Variants in XDH observed in about 807,000 individuals in gnomAD.
XDH encodes xanthine dehydrogenase, also known as xanthine dehydrogenase/oxidase.
A neutral mutation model predicts 156.1 loss-of-function variants in XDH; 138 were observed. That is an observed-to-expected ratio of 0.88 (90% confidence interval 0.77 to 1.02). The LOEUF is 1.02. Ranked by LOEUF, XDH falls within the 50% of genes least tolerant of loss-of-function variation. XDH has a pLI of 0.00. For synonymous variants in XDH, 669 were observed against 625.7 expected, an observed-to-expected ratio of 1.07 and a Z score of -1.03; for missense variants, 1,849 against 1,684.9, an observed-to-expected ratio of 1.10 and a Z score of -1.71.
intron 13 of XDH, among the ~76,000 whole-genome samples, chr2:31,378,110 G>GAAA (rs1572545845): frequency 0.046 from 2,000 of 43,204 alleles, 64 homozygotes; most frequent in African/African-American, 0.095. Context: ...AAGAAAGAAA[G>GAAA]GAAGGAAGGA....
intron 30 of XDH, 36 bp downstream of exon 30, chr2:31,346,733 C>T: frequency 6.2e-7 from 1 of 1,613,750 alleles, no homozygotes; most frequent in African/African-American, 1.3e-5. Flanking sequence ...ATTTCCCTCT[C>T]CTTTGCAAAC....
chr2:31,354,363 G>GA (rs1685569706), intron 24 of XDH, among the ~76,000 whole-genome samples: 1 of 152,216 alleles, frequency 6.6e-6, no homozygotes, highest in East Asian at 1.9e-4. Flanking sequence ...AAGTTTCAGT[G>GA]AAAAATCACT....
chr2:31,412,766 G>A (rs1484819448), intron 1 of XDH, among the ~76,000 whole-genome samples: 1 of 152,134 alleles, frequency 6.6e-6, no homozygotes, highest in Non-Finnish European at 1.5e-5. Flanking sequence ...TGTTTACCCA[G>A]GAATTCCCTT....
chr2:31,377,340 C>T, intron 13 of XDH, 103 bp from the exon 14 acceptor site: 1 of 1,273,986 alleles, frequency 7.8e-7, no homozygotes, highest in Non-Finnish European at 1.1e-6. Context: ...GGGGATAACA[C>T]CATCACACAT....
intron 12 of XDH, 122 bp downstream of exon 12, chr2:31,381,511 C>G (rs1202097747): frequency 3.1e-6 from 3 of 975,984 alleles, no homozygotes; most frequent in Non-Finnish European, 4.8e-6. Flanking sequence ...TTCCCTGGAT[C>G]CAAATCACAG....
At chr2:31,388,440 C>T in intron 6 of XDH, 145 bp from the exon 7 acceptor site, 1 of 883,672 alleles carries the variant, frequency 1.1e-6, no homozygotes, top group Non-Finnish European at 1.8e-6. Context: ...CTGCCTGTTG[C>T]CCAGAGTGGA....
chr2:31,375,278 C>A (rs957687807), intron 15 of XDH, 102 bp downstream of exon 15: 2 of 1,445,766 alleles, frequency 1.4e-6, no homozygotes, highest in African/African-American at 2.8e-5. Flanking sequence ...GCTATTCTGC[C>A]CTCAGATGTC....
At chr2:31,337,504 G>T in intron 35 of XDH, 137 bp downstream of exon 35, 1 of 1,174,760 alleles carries the variant, frequency 8.5e-7, no homozygotes, top group Non-Finnish European at 1.3e-6. Flanking sequence ...CATGCACAAT[G>T]AAGGGTGGCC....
chr2:31,399,159 T>C (rs1301027109), intron 4 of XDH, among the ~76,000 whole-genome samples: 1 of 152,194 alleles, frequency 6.6e-6, no homozygotes, highest in Non-Finnish European at 1.5e-5. Context: ...GCTTTGCCAT[T>C]GACTCAGATG....
chr2:31,401,978 A>C (rs577024860), intron 3 of XDH, among the ~76,000 whole-genome samples: 167 of 152,360 alleles, frequency 1.1e-3, no homozygotes, highest in African/African-American at 3.8e-3. Context: ...AACAGACTGC[A>C]GTCAACTGAG....
intron 31 of XDH, among the ~76,000 whole-genome samples, chr2:31,343,556 T>TATAAGGCATATATATATGCCTTAC: frequency 6.9e-6 from 1 of 144,260 alleles, no homozygotes; most frequent in South Asian, 2.2e-4. Flanking sequence ...ATATGCCTTA[T>TATAAGGCATATATATATGCCTTAC]ATAAGGCATA....
chr2:31,360,268 C>T (rs1685742486), intron 24 of XDH, among the ~76,000 whole-genome samples: 1 of 152,164 alleles, frequency 6.6e-6, no homozygotes, highest in East Asian at 1.9e-4. Flanking sequence ...GAGGATGAGG[C>T]GGGTGGATCA....
chr2:31,337,248 C>T (rs1351382627), intron 35 of XDH, among the ~76,000 whole-genome samples: 3 of 151,874 alleles, frequency 2.0e-5, no homozygotes, highest in African/African-American at 7.3e-5. Context: ...TCCCTCCATC[C>T]CCCCAATATT....
intron 24 of XDH, among the ~76,000 whole-genome samples, chr2:31,355,787 A>C (rs1319901744): frequency 6.6e-6 from 1 of 152,200 alleles, no homozygotes; most frequent in Middle Eastern, 3.2e-3. Context: ...ATCAATCATT[A>C]TATGATGTAT....
At chr2:31,367,497 G>A (rs1230955175) in intron 20 of XDH, among the ~76,000 whole-genome samples, 1 of 152,176 alleles carries the variant, frequency 6.6e-6, no homozygotes, top group Non-Finnish European at 1.5e-5. Flanking sequence ...AGTCAGCTGT[G>A]TTGTCCTGGG....
chr2:31,409,817 G>A (rs575878067), intron 1 of XDH, among the ~76,000 whole-genome samples: 16 of 152,282 alleles, frequency 1.1e-4, no homozygotes, highest in Admixed American at 8.5e-4. Context: ...AGCCACTGTG[G>A]AAAAATAAGT....
intron 1 of XDH, among the ~76,000 whole-genome samples, chr2:31,411,470 G>C (rs1687341714): frequency 6.6e-6 from 1 of 151,972 alleles, no homozygotes; most frequent in Admixed American, 6.6e-5. Flanking sequence ...CTGTGTGTGT[G>C]TCCAGAGTGA....
chr2:31,352,979 C>A (rs1685523343), intron 24 of XDH, among the ~76,000 whole-genome samples: 4 of 150,600 alleles, frequency 2.7e-5, no homozygotes, highest in Admixed American at 2.6e-4. Context: ...TCTCGGCCTC[C>A]CAAAGTACTG....
At chr2:31,368,124 G>C in intron 19 of XDH, 67 bp from the exon 20 acceptor site, 1 of 1,416,146 alleles carries the variant, frequency 7.1e-7, no homozygotes. Context: ...GTTCTGATTA[G>C]GGAAAGAGAA....
Sources: allele counts gnomAD v4.1 joint callset (sites outside exome capture counted in the v4.1 genomes callset), GRCh38; gene constraint gnomAD v4.1.1; transcripts MANE v1.5; gene names NCBI Gene and HGNC (gene_info 2026-07-23, HGNC 2026-07-21).